The following ERBB4 variants were observed in gnomAD, a reference collection of about 807,000 sequenced individuals.
The protein encoded by ERBB4 is erb-b2 receptor tyrosine kinase 4.
Under a neutral mutation model 158.0 loss-of-function variants are expected in ERBB4, and 42 were observed. That is an observed-to-expected ratio of 0.27 (90% CI 0.21 to 0.34). The LOEUF (loss-of-function observed/expected upper bound fraction) is 0.34, where lower values mean the gene tolerates loss of function less well. Ranked by LOEUF, ERBB4 falls within the 10% of genes least tolerant of loss-of-function variation. The pLI, the probability that ERBB4 is intolerant of heterozygous loss-of-function variation, is 1.00. For synonymous variants in ERBB4, 583 were observed against 558.7 expected, an observed-to-expected ratio of 1.04 and a Z score of -0.61; for missense variants, 1,333 against 1,624.1, an observed-to-expected ratio of 0.82 and a Z score of 3.08.
intron 5 of ERBB4, among the ~76,000 whole-genome samples, chr2:211,726,809 T>C (rs1362830888): frequency 4.6e-5 from 7 of 152,300 alleles, no homozygotes; most frequent in Admixed American, 2.0e-4. Flanking sequence ...ATGAAACTTA[T>C]GACCATCCCC....
rs1353067491 is a variant in ERBB4, at chr2:211,726,271, T to C, written c.623-1077A>G. Reference sequence around the variant, plus strand: ...CAATTTTGGGGGGACTATGGGCTCATTCCTGGATAAAAGTCATTCATCTTC... The same window carrying C: ...CAATTTTGGGGGGACTATGGGCTCACTCCTGGATAAAAGTCATTCATCTTC... On this transcript the variant is annotated intron_variant, in intron 5 of 27. Coordinates refer to ENST00000342788, the MANE Select transcript of ERBB4 (RefSeq NM_005235.3). Among the ~76,000 whole-genome samples the C allele has an allele frequency of 3.9e-5, 6 of 152,250 alleles. No individual in the cohort carries two copies. The East Asian group carries it at 9.7e-4, about 25-fold the overall frequency.
At chr2:211,445,434 G>A (rs967407156) in intron 20 of ERBB4, among the ~76,000 whole-genome samples, 6 of 152,060 alleles carry the variant, frequency 3.9e-5, no homozygotes, top group Non-Finnish European at 7.4e-5. Flanking sequence ...GGAAAACACC[G>A]TTGTTAAATA....
chr2:211,730,452 A>C (rs190297511), intron 5 of ERBB4, among the ~76,000 whole-genome samples: 2 of 151,340 alleles, frequency 1.3e-5, no homozygotes, highest in Non-Finnish European at 3.0e-5. Flanking sequence ...CTCCTCCCCC[A>C]TCTCCTTCCT....
chr2:212,051,448 G>A (rs1338575357), intron 2 of ERBB4, among the ~76,000 whole-genome samples: 1 of 151,862 alleles, frequency 6.6e-6, no homozygotes, highest in Non-Finnish European at 1.5e-5. Context: ...TATTTTTAAG[G>A]TTCTCAAACC....
At chr2:211,861,332 T>TC in intron 3 of ERBB4, among the ~76,000 whole-genome samples, 1 of 70,726 alleles carries the variant, frequency 1.4e-5, no homozygotes, top group African/African-American at 5.2e-5. Flanking sequence ...GGCGTGTTTT[T>TC]TTTTTTGTTT....
intron 3 of ERBB4, among the ~76,000 whole-genome samples, chr2:211,865,245 T>C (rs1225072521): frequency 6.6e-6 from 1 of 151,560 alleles, no homozygotes; most frequent in African/African-American, 2.4e-5. Context: ...CATAAAGATT[T>C]ATCTGTTATT....
chr2:212,226,437 G>A (rs2083472878), intron 1 of ERBB4, among the ~76,000 whole-genome samples: 1 of 151,254 alleles, frequency 6.6e-6, no homozygotes, highest in Admixed American at 6.6e-5. Context: ...CATTAAATTT[G>A]TGATAATTTA....
At chr2:211,638,696 C>T (rs1178718141) in intron 16 of ERBB4, among the ~76,000 whole-genome samples, 4 of 152,020 alleles carry the variant, frequency 2.6e-5, no homozygotes, top group African/African-American at 9.7e-5. Flanking sequence ...TATGTGAATG[C>T]AACATTTCAT....
chr2:211,581,187 G>A (rs184166731), intron 19 of ERBB4, among the ~76,000 whole-genome samples: 1,794 of 150,848 alleles, frequency 0.012, 17 homozygotes, highest in Non-Finnish European at 0.021. Context: ...CAGGTGATGG[G>A]GGCACCAAAA....
Position 211,637,698 on chromosome 2 carries a change from A to G in ERBB4, c.1947-7104T>C, listed in dbSNP as rs118005680. ...AGAATTTAACTTTTACATACATTGT[A>G]TAGTTTCACAATAACGATGTAACAC... On this transcript the variant is annotated intron_variant, in intron 16 of 27. Coordinates refer to ENST00000342788, the MANE Select transcript of ERBB4 (RefSeq NM_005235.3). Among the ~76,000 whole-genome samples, 243 of 152,152 alleles carry G rather than the reference A, an allele frequency of 1.6e-3. 2 individuals carry two copies. In the East Asian group the frequency reaches 0.041, roughly 26 times the overall value.
intron 1 of ERBB4, among the ~76,000 whole-genome samples, chr2:212,270,775 C>A (rs74402268): frequency 2.0e-5 from 3 of 151,336 alleles, no homozygotes; most frequent in Non-Finnish European, 4.4e-5. Flanking sequence ...AGAGAGAAAG[C>A]GGGGGAAATG....
At chr2:212,293,824 G>A (rs1193398487) in intron 1 of ERBB4, among the ~76,000 whole-genome samples, 2 of 128,076 alleles carry the variant, frequency 1.6e-5, no homozygotes, top group Admixed American at 9.2e-5. Context: ...CTCCAGCCTG[G>A]GTGACAGAGG....
chr2:211,601,057 G>A (rs1412006221), intron 19 of ERBB4, among the ~76,000 whole-genome samples: 1 of 152,008 alleles, frequency 6.6e-6, no homozygotes, highest in Non-Finnish European at 1.5e-5. Flanking sequence ...ACAATTCAGG[G>A]ACTTGAAAAT....
intron 1 of ERBB4, among the ~76,000 whole-genome samples, chr2:212,381,737 CA>C (rs1311403164): frequency 6.6e-6 from 1 of 151,158 alleles, no homozygotes; most frequent in East Asian, 1.9e-4. Flanking sequence ...ATTAATGTAA[CA>C]AAAATAAATT....
chr2:212,319,847 C>T (rs2087476293), intron 1 of ERBB4, among the ~76,000 whole-genome samples: 1 of 150,100 alleles, frequency 6.7e-6, no homozygotes, highest in Non-Finnish European at 1.5e-5. Flanking sequence ...CATATTTGTT[C>T]TGTAAGGGTA....
chr2:212,018,235 C>T (rs2076570968), intron 2 of ERBB4, among the ~76,000 whole-genome samples: 2 of 152,138 alleles, frequency 1.3e-5, no homozygotes, highest in South Asian at 4.1e-4. Context: ...CAAGCCACAG[C>T]AGGACTAGGA....
chr2:211,888,924 A>G (rs1016967835), intron 3 of ERBB4, among the ~76,000 whole-genome samples: 32 of 151,594 alleles, frequency 2.1e-4, no homozygotes, highest in African/African-American at 2.9e-4. Flanking sequence ...ACTGATTGCT[A>G]GCACAGCAGT....
intron 9 of ERBB4, among the ~76,000 whole-genome samples, chr2:211,708,729 G>A (rs545326675): frequency 1.3e-5 from 2 of 151,746 alleles, no homozygotes; most frequent in Non-Finnish European, 2.9e-5. Context: ...GCACTGGGCT[G>A]AGCAATTCAA....
intron 1 of ERBB4, among the ~76,000 whole-genome samples, chr2:212,232,607 A>C (rs2083708213): frequency 6.6e-6 from 1 of 152,110 alleles, no homozygotes; most frequent in Non-Finnish European, 1.5e-5. Flanking sequence ...ACGGGGTTTC[A>C]CCGTGTTAGC....
Sources: allele counts gnomAD v4.1 joint callset (sites outside exome capture counted in the v4.1 genomes callset), GRCh38; gene constraint gnomAD v4.1.1; transcripts MANE v1.5; gene names NCBI Gene and HGNC (gene_info 2026-07-23, HGNC 2026-07-21).